Variants in UGCG observed in about 807,000 individuals in gnomAD.
UGCG encodes UDP-glucose ceramide glucosyltransferase, also known as ceramide glucosyltransferase.
In UGCG, 10 loss-of-function variants were observed where a neutral mutation model predicts 49.5. The ratio of observed to expected loss-of-function variants is 0.20; its 90% confidence interval spans 0.12 to 0.34. The LOEUF (loss-of-function observed/expected upper bound fraction) is 0.34, where lower values mean the gene tolerates loss of function less well. Among genes scored for constraint, UGCG ranks in the 10% least tolerant of loss-of-function variants. The pLI, the probability that UGCG is intolerant of heterozygous loss-of-function variation, is 1.00. For missense variants in UGCG, 312 were observed against 483.7 expected, an observed-to-expected ratio of 0.65 and a Z score of 3.33; for synonymous variants, 182 against 158.2, an observed-to-expected ratio of 1.15 and a Z score of -1.13.
At chr9:111,915,452 TA>T (rs1266739611) in intron 2 of UGCG, among the ~76,000 whole-genome samples, 1 of 152,238 alleles carries the variant, frequency 6.6e-6, no homozygotes, top group Non-Finnish European at 1.5e-5. Flanking sequence ...AGCTTTGTAT[TA>T]AATTGCTTGA....
chr9:111,913,348 C>T (rs985784089), intron 1 of UGCG, among the ~76,000 whole-genome samples: 2 of 152,170 alleles, frequency 1.3e-5, no homozygotes, highest in Non-Finnish European at 2.9e-5. Flanking sequence ...TCAGTGGCTT[C>T]CTTTAGAAAC....
chr9:111,921,801 G>GTTTTT (rs1564203243), intron 2 of UGCG, among the ~76,000 whole-genome samples: 6 of 48,062 alleles, frequency 1.2e-4, no homozygotes, highest in African/African-American at 1.8e-4. Flanking sequence ...GCCCCAGGGT[G>GTTTTT]ATTTTTTTTT....
intron 5 of UGCG, among the ~76,000 whole-genome samples, chr9:111,927,497 G>C (rs1406102168): frequency 6.6e-6 from 1 of 151,844 alleles, no homozygotes; most frequent in Non-Finnish European, 1.5e-5. Flanking sequence ...TGTCGCCCAG[G>C]CTGGAGTGCA....
rs755819695 is a variant in UGCG, at chr9:111,903,863, T to C, written c.98+6550T>C. Among the ~76,000 whole-genome samples, 3 of 152,320 alleles carry C rather than the reference T, an allele frequency of 2.0e-5. No homozygotes were observed. The East Asian group carries it at 5.8e-4, about 29-fold the overall frequency. ...TGCCTGCCTCGGCCTCCACAGGTGC[T>C]GGGATTATAGGCCTTTCCATTCTTC... On this transcript the variant is annotated intron_variant, in intron 1 of 8. Transcript: ENST00000374279.
intron 2 of UGCG, chr9:111,915,884 T>G: frequency 2.1e-6 from 2 of 956,488 alleles, no homozygotes; most frequent in Non-Finnish European, 2.5e-6. Context: ...TGTTTTTATA[T>G]TATTGCTTTG....
At chr9:111,921,260 A>G (rs1838216956) in intron 2 of UGCG, among the ~76,000 whole-genome samples, 1 of 152,100 alleles carries the variant, frequency 6.6e-6, no homozygotes, top group South Asian at 2.1e-4. Context: ...GTCAACATGA[A>G]TTTATTACCA....
At chr9:111,897,795 G>T (rs1406548175) in intron 1 of UGCG, among the ~76,000 whole-genome samples, 1 of 151,822 alleles carries the variant, frequency 6.6e-6, no homozygotes, top group African/African-American at 2.4e-5. Flanking sequence ...TTAGATAGGT[G>T]TGAAGCACCT....
chr9:111,909,300 A>T (rs1837952067), intron 1 of UGCG, among the ~76,000 whole-genome samples: 1 of 152,318 alleles, frequency 6.6e-6, no homozygotes, highest in African/African-American at 2.4e-5. Flanking sequence ...TTGAAAAAAA[A>T]TCACTGGGAT....
intron 1 of UGCG, among the ~76,000 whole-genome samples, chr9:111,898,862 T>A (rs1029683875): frequency 6.6e-6 from 1 of 152,292 alleles, no homozygotes; most frequent in South Asian, 2.1e-4. Flanking sequence ...ATTATGATTA[T>A]TGTTCTGTAA....
At chr9:111,932,476 A>AGT in intron 8 of UGCG, 117 bp downstream of exon 8, 2 of 1,128,456 alleles carry the variant, frequency 1.8e-6, no homozygotes, top group Non-Finnish European at 2.4e-6. Context: ...ATTGTAGGTT[A>AGT]GTCTCGGGTT....
chr9:111,921,512 G>A (rs1838220732), intron 2 of UGCG, among the ~76,000 whole-genome samples: 1 of 151,924 alleles, frequency 6.6e-6, no homozygotes, highest in African/African-American at 2.4e-5. Context: ...AGACATGGTG[G>A]CGGGCATCTG....
intron 6 of UGCG, among the ~76,000 whole-genome samples, chr9:111,930,681 G>T (rs1838410428): frequency 6.6e-6 from 1 of 151,690 alleles, no homozygotes; most frequent in Non-Finnish European, 1.5e-5. Context: ...TGTTGGCCAG[G>T]CTAGTCTTGA....
At chr9:111,901,974 A>G (rs560310132) in intron 1 of UGCG, among the ~76,000 whole-genome samples, 1 of 152,348 alleles carries the variant, frequency 6.6e-6, no homozygotes, top group Non-Finnish European at 1.5e-5. Context: ...CCTCCGGGTT[A>G]CAGTTCAAAC....
chr9:111,932,290 T>G lies in UGCG; in HGVS notation c.945T>G (p.Ile315Met), dbSNP rs758946556. The change falls in exon 8 of 9, where the codon ATT becomes ATG. Residue 315 changes from isoleucine (I) to methionine (M), a missense_variant. Physicochemically the swap from Ile to Met is conservative, Grantham distance 10. Transcript: ENST00000374279. Reference protein sequence around the residue: ...WAAHHVFRWDIMVFFMCHCLA... With the variant: ...WAAHHVFRWDMMVFFMCHCLA... ...CCCACCATGTGTTCAGATGGGATAT[T>G]ATGGTATTTTTCATGTGTCATTGCC... 21 of 1,614,162 alleles carry G rather than the reference T, an allele frequency of 1.3e-5. No homozygotes were observed. In the East Asian group the frequency reaches 4.5e-4, roughly 34 times the overall value.
chr9:111,897,219 G>A lies in UGCG; in HGVS notation c.4G>A (p.Ala2Thr), dbSNP rs772946246. ...GGCCGGTCCGGCGGGCCGGGGGATG[G>A]CGCTGCTGGACCTGGCCTTGGAGGG... MALLDLALEGMA... is the reference protein window; with the variant it reads MTLLDLALEGMA... The change falls in exon 1 of 9, where the codon GCG (alanine) becomes ACG (threonine). Residue 2 changes from alanine to threonine, a missense_variant. Coordinates refer to ENST00000374279, the MANE Select transcript of UGCG (RefSeq NM_003358.3). The A allele has an allele frequency of 7.1e-6, 11 of 1,546,604 alleles. No individual in the cohort carries two copies. The African/African-American group carries it at 1.4e-4, about 19-fold the overall frequency.
At chr9:111,927,470 T>G (rs1838337045) in intron 5 of UGCG, among the ~76,000 whole-genome samples, 1 of 151,706 alleles carries the variant, frequency 6.6e-6, no homozygotes, top group Non-Finnish European at 1.5e-5. Flanking sequence ...GTTTTTTTTT[T>G]AGATGGAGTC....
At chr9:111,928,855 A>G (rs1160104996) in intron 5 of UGCG, among the ~76,000 whole-genome samples, 1 of 152,202 alleles carries the variant, frequency 6.6e-6, no homozygotes, top group African/African-American at 2.4e-5. Flanking sequence ...ATCAGCGTAT[A>G]TATCTTATGA....
chr9:111,906,423 G>GTGTTTTGTTTTGTTT (rs374371753), intron 1 of UGCG, among the ~76,000 whole-genome samples: 13 of 151,574 alleles, frequency 8.6e-5, no homozygotes, highest in African/African-American at 2.9e-4. Flanking sequence ...TTTTGTGTGT[G>GTGTTTTGTTTTGTTT]TGTTTTGTTT....
At chr9:111,898,985 A>G (rs1837716938) in intron 1 of UGCG, among the ~76,000 whole-genome samples, 4 of 152,236 alleles carry the variant, frequency 2.6e-5, no homozygotes, top group African/African-American at 7.2e-5. Flanking sequence ...CCCTGTTCAC[A>G]TGGAACTGTC....
Sources: gnomAD v4.1 joint callset for allele counts (sites outside exome capture counted in the v4.1 genomes callset) on GRCh38, gnomAD v4.1.1 for gene constraint, MANE v1.5 for transcripts, NCBI Gene and HGNC (gene_info 2026-07-23, HGNC 2026-07-21) for gene names.